EGLN1: variants seen among roughly 807,000 people sequenced by gnomAD.
EGLN1 encodes egl nine homolog 1.
In EGLN1, 17 loss-of-function variants were observed where a neutral mutation model predicts 38.3. That is an observed-to-expected ratio of 0.44 (90% CI 0.30 to 0.67). The LOEUF (loss-of-function observed/expected upper bound fraction) is 0.67. Ranked by LOEUF, EGLN1 falls within the 30% of genes least tolerant of loss-of-function variation. The pLI, the probability that EGLN1 is intolerant of heterozygous loss-of-function variation, is 0.08. For synonymous variants in EGLN1, 283 were observed against 257.5 expected (o/e 1.10, Z -0.95); for missense variants, 477 against 603.3 (o/e 0.79, Z 2.19).
chr1:231,411,712 T>A (rs370120661), intron 1 of EGLN1, among the ~76,000 whole-genome samples: 1 of 152,040 alleles, frequency 6.6e-6, no homozygotes, highest in Non-Finnish European at 1.5e-5. Flanking sequence ...AAGTCCTGGA[T>A]AGTAGGCCGG....
chr1:231,404,165 C>T (rs576077646), intron 1 of EGLN1, among the ~76,000 whole-genome samples: 2 of 152,108 alleles, frequency 1.3e-5, no homozygotes, highest in East Asian at 1.9e-4. Context: ...AAGTGTGGAA[C>T]CTACATGAAA....
At chr1:231,371,657 C>T (rs1687824918) in intron 2 of EGLN1, among the ~76,000 whole-genome samples, 1 of 152,160 alleles carries the variant, frequency 6.6e-6, no homozygotes, top group Non-Finnish European at 1.5e-5. Context: ...GGCATCAAAT[C>T]GCACTGGGAA....
At chr1:231,410,101 G>A (rs774731181) in intron 1 of EGLN1, among the ~76,000 whole-genome samples, 1 of 152,120 alleles carries the variant, frequency 6.6e-6, no homozygotes, top group Non-Finnish European at 1.5e-5. Context: ...CGTAAGAACT[G>A]GTATTTATAT....
chr1:231,392,274 G>A (rs113794790), intron 1 of EGLN1, among the ~76,000 whole-genome samples: 6 of 151,908 alleles, frequency 3.9e-5, no homozygotes, highest in South Asian at 2.1e-4. Context: ...GCGACAGAGC[G>A]AGACTCTGTC....
chr1:231,405,211 C>T (rs545118760), intron 1 of EGLN1, among the ~76,000 whole-genome samples: 147 of 152,200 alleles, frequency 9.7e-4, no homozygotes, highest in Admixed American at 2.2e-3. Context: ...CTTGTTCTGT[C>T]GCCCAGGCTG....
intron 2 of EGLN1, 65 bp from the exon 3 acceptor site, chr1:231,370,763 GAA>G (rs931977107): frequency 3.5e-5 from 54 of 1,537,022 alleles, no homozygotes; most frequent in Admixed American, 3.2e-4. Context: ...AATTTAGGGG[GAA>G]AAAAAGAGAC....
intron 1 of EGLN1, chr1:231,420,493 C>CT: frequency 5.4e-6 from 1 of 185,536 alleles, no homozygotes; most frequent in Non-Finnish European, 1.2e-5. Context: ...TTAAATGTAC[C>CT]TTTTTGCGGT....
At position 231,369,124 on chromosome 1, in the gene EGLN1, G is replaced by A. The variant is rs185009400; in HGVS notation, c.1148+1438C>T. ...GGATTCTACTTCAAGAATCCTTTTCGTCGCATGATTTTCCATGCCTTAACT... is the reference window on the plus strand; with the variant it reads ...GGATTCTACTTCAAGAATCCTTTTCATCGCATGATTTTCCATGCCTTAACT... On this transcript the variant is annotated intron_variant, in intron 3 of 4. Coordinates refer to ENST00000366641, the MANE Select transcript of EGLN1 (RefSeq NM_022051.3). Among the ~76,000 whole-genome samples the A allele has an allele frequency of 9.2e-5, 14 of 151,462 alleles. No individual in the cohort carries two copies. The East Asian group carries it at 2.1e-3, about 23-fold the overall frequency.
chr1:231,370,090 TTTTC>T (rs1230614823), intron 3 of EGLN1, among the ~76,000 whole-genome samples: 3 of 152,218 alleles, frequency 2.0e-5, no homozygotes, highest in African/African-American at 4.8e-5. Flanking sequence ...TGTTCTCTAC[TTTTC>T]TTTCTTCTGT....
chr1:231,381,018 C>A (rs970762816), intron 1 of EGLN1, among the ~76,000 whole-genome samples: 2 of 152,116 alleles, frequency 1.3e-5, no homozygotes, highest in African/African-American at 2.4e-5. Flanking sequence ...CATCTGGGAT[C>A]AAGCAATCCT....
Position 231,421,802 on chromosome 1 carries a change from G to A in EGLN1, c.87C>T (p.Asn29=), listed in dbSNP as rs771144835. 4 of 1,559,562 alleles carry A rather than the reference G, an allele frequency of 2.6e-6. No individual in the cohort carries two copies. In the African/African-American group the frequency reaches 4.2e-5, roughly 16 times the overall value. The change falls in exon 1 of 5, where the codon AAC becomes AAT. Residue 29 remains asparagine (N), a synonymous_variant. Transcript: ENST00000366641. The surrounding 1 kb of genome is among the most constrained non-coding windows in gnomAD (Gnocchi z 5.5). ...QYCELCGKME[N]LLRCSRCRSS... The stretch of plus-strand genomic sequence containing the variant: ...TGCGGCAGCGGCTGCAGCGCAGCAG[G>A]TTCTCCATCTTCCCGCACAGCTCGC...
At chr1:231,417,514 T>C (rs1168734183) in intron 1 of EGLN1, among the ~76,000 whole-genome samples, 1 of 152,076 alleles carries the variant, frequency 6.6e-6, no homozygotes, top group Non-Finnish European at 1.5e-5. Context: ...ACACTACTCT[T>C]CACAAAACAG....
At chr1:231,386,351 T>C (rs971533) in intron 1 of EGLN1, among the ~76,000 whole-genome samples, 82,927 of 152,070 alleles carry the variant, frequency 0.55, 24,229 homozygotes, top group Non-Finnish European at 0.65. Context: ...ACAAATAATT[T>C]TATCTAGTCT....
intron 1 of EGLN1, among the ~76,000 whole-genome samples, chr1:231,408,178 C>G (rs1325605123): frequency 6.6e-6 from 1 of 152,088 alleles, no homozygotes; most frequent in African/African-American, 2.4e-5. Context: ...AAAGGACATT[C>G]AGAGTTCGGG....
chr1:231,415,875 T>C (rs533516172), intron 1 of EGLN1, among the ~76,000 whole-genome samples: 3 of 147,510 alleles, frequency 2.0e-5, no homozygotes, highest in South Asian at 2.1e-4. Flanking sequence ...TGAGACGGAG[T>C]CTCGCTCTGT....
At chr1:231,380,315 C>CAAAA (rs35280417) in intron 1 of EGLN1, among the ~76,000 whole-genome samples, 3,369 of 100,510 alleles carry the variant, frequency 0.034, 123 homozygotes, top group Non-Finnish European at 0.048. Flanking sequence ...GACTCCGTCT[C>CAAAA]AAAAAAAAAA....
chr1:231,421,687 C>G lies in EGLN1; in HGVS notation c.202G>C (p.Gly68Arg), dbSNP rs763530007. 3.3e-6 allele frequency: 5 copies of G among 1,508,910 alleles called. No individual in the cohort carries two copies. In the East Asian group the frequency reaches 8.0e-5, roughly 24 times the overall value. 93.5% of individuals were successfully genotyped at this position (1,508,910 alleles called of 1,614,324 possible). Residue 68 changes from glycine to arginine, a missense_variant, in exon 1 of 5, where the codon GGA becomes CGA. Physicochemically the swap from Gly to Arg is moderately radical, Grantham distance 125. Transcript: ENST00000366641. This position sits in a 1 kb window ranked among gnomAD's most constrained non-coding sequence, Gnocchi z 5.5. The stretch of plus-strand genomic sequence containing the variant: ...CCGGAATGCTGGTGTGGGCCCACTC[C>G]GTGGCCGAGGGCGCCCTCGCTGCCC... ...CQGSEGALGH[G>R]VGPHQHSGPA...
In EGLN1 at chr1:231,370,283, C is replaced by T. The variant is rs80314641; in HGVS notation, c.1148+279G>A. ...TAGTAGTTAAGAGATGCACAAAGCA[C>T]GGAGAGAGTGCTAGAAAGATGGGAA... On this transcript the variant is annotated intron_variant, in intron 3 of 4. Coordinates refer to ENST00000366641, the MANE Select transcript of EGLN1 (RefSeq NM_022051.3). Among the ~76,000 whole-genome samples the T allele has an allele frequency of 2.3e-4, 35 of 152,276 alleles. No individual in the cohort carries two copies. The East Asian group carries it at 5.8e-3, about 25-fold the overall frequency.
chr1:231,372,843 A>G (rs544184873), intron 2 of EGLN1, among the ~76,000 whole-genome samples: 1 of 152,308 alleles, frequency 6.6e-6, no homozygotes, highest in South Asian at 2.1e-4. Flanking sequence ...TTTAAGACTC[A>G]GGCAGTTTCC....
Sources: allele counts gnomAD v4.1 joint callset (sites outside exome capture counted in the v4.1 genomes callset), GRCh38; gene constraint gnomAD v4.1.1; non-coding constraint Gnocchi (gnomAD v3.1); transcripts MANE v1.5; gene names NCBI Gene and HGNC (gene_info 2026-07-23, HGNC 2026-07-21).